The following PKNOX2 variants were observed in gnomAD, a reference collection of about 807,000 sequenced individuals.
PKNOX2 encodes homeobox protein PKNOX2.
Under a neutral mutation model 53.1 loss-of-function variants are expected in PKNOX2, and 14 were observed. That is an observed-to-expected ratio of 0.26 (90% CI 0.17 to 0.41). The LOEUF is 0.41. PKNOX2 is among the 10% of genes least tolerant of loss of function. The pLI, the probability that PKNOX2 is intolerant of heterozygous loss-of-function variation, is 1.00. For synonymous variants in PKNOX2, 257 were observed against 242.8 expected, an observed-to-expected ratio of 1.06 and a Z score of -0.54; for missense variants, 496 against 602.8, an observed-to-expected ratio of 0.82 and a Z score of 1.85.
chr11:125,225,682 C>T (rs937629212), intron 1 of PKNOX2, among the ~76,000 whole-genome samples: 2 of 152,166 alleles, frequency 1.3e-5, no homozygotes, highest in Admixed American at 1.3e-4. Context: ...GGGGCTGGCT[C>T]TCTGGTGCCA....
At chr11:125,411,171 G>T in intron 9 of PKNOX2, 1 of 340,424 alleles carries the variant, frequency 2.9e-6, no homozygotes, top group Non-Finnish European at 5.5e-6. Flanking sequence ...CACAAAGGAA[G>T]AGTAGAAAGA....
chr11:125,203,594 A>T (rs1158585893), intron 1 of PKNOX2, among the ~76,000 whole-genome samples: 4 of 152,174 alleles, frequency 2.6e-5, no homozygotes, highest in Non-Finnish European at 2.9e-5. Context: ...CTTGGAGGAC[A>T]TTCTTCCCCT....
At chr11:125,221,466 T>G (rs976328486) in intron 1 of PKNOX2, among the ~76,000 whole-genome samples, 5 of 152,226 alleles carry the variant, frequency 3.3e-5, no homozygotes, top group African/African-American at 1.2e-4. Context: ...CAGGCCCGTC[T>G]GCAGAGTTGG....
intron 2 of PKNOX2, among the ~76,000 whole-genome samples, chr11:125,243,993 A>C (rs1943370514): frequency 6.6e-6 from 1 of 152,044 alleles, no homozygotes; most frequent in Non-Finnish European, 1.5e-5. Flanking sequence ...GGCTTCACTC[A>C]TTGCTGGAGC....
At chr11:125,417,499 G>A (rs11220058) in intron 10 of PKNOX2, among the ~76,000 whole-genome samples, 75,856 of 151,680 alleles carry the variant, frequency 0.5, 19,918 homozygotes, top group African/African-American at 0.64. Context: ...AATACAATTC[G>A]CCTCATTTTA....
intron 2 of PKNOX2, among the ~76,000 whole-genome samples, chr11:125,321,792 T>C (rs977086440): frequency 1.3e-5 from 2 of 152,232 alleles, no homozygotes; most frequent in South Asian, 2.1e-4. Context: ...CTGGGTAATG[T>C]AGAAAACACT....
chr11:125,373,416 C>G (rs551842796), intron 5 of PKNOX2, among the ~76,000 whole-genome samples: 4 of 152,336 alleles, frequency 2.6e-5, no homozygotes, highest in African/African-American at 9.6e-5. Context: ...CTAGCTCCAT[C>G]ACTGGACACT....
intron 2 of PKNOX2, among the ~76,000 whole-genome samples, chr11:125,329,057 A>G (rs1031827045): frequency 2.6e-5 from 4 of 152,260 alleles, no homozygotes; most frequent in South Asian, 2.1e-4. Flanking sequence ...AAGAATAGTC[A>G]TTATGTGTTT....
At chr11:125,272,924 C>G (rs974227583) in intron 2 of PKNOX2, among the ~76,000 whole-genome samples, 1 of 152,208 alleles carries the variant, frequency 6.6e-6, no homozygotes, top group African/African-American at 2.4e-5. Context: ...CGGGTCTGGC[C>G]GAAGCGCAGG....
At chr11:125,291,280 G>A (rs1947287804) in intron 2 of PKNOX2, among the ~76,000 whole-genome samples, 1 of 152,178 alleles carries the variant, frequency 6.6e-6, no homozygotes, top group South Asian at 2.1e-4. Flanking sequence ...CCCAGCAGCT[G>A]GTTGAGTACC....
At chr11:125,191,751 G>A (rs73617513) in intron 1 of PKNOX2, among the ~76,000 whole-genome samples, 3,549 of 152,280 alleles carry the variant, frequency 0.023, 151 homozygotes, top group African/African-American at 0.081. Context: ...GAGGTGGCCG[G>A]GACGTACTTG....
At chr11:125,287,140 A>G (rs1946958998) in intron 2 of PKNOX2, among the ~76,000 whole-genome samples, 1 of 152,080 alleles carries the variant, frequency 6.6e-6, no homozygotes. Flanking sequence ...ATATTTTATT[A>G]TCCCCATTTT....
At chr11:125,167,641 C>T (rs1954994854) in intron 1 of PKNOX2, among the ~76,000 whole-genome samples, 1 of 152,242 alleles carries the variant, frequency 6.6e-6, no homozygotes, top group Non-Finnish European at 1.5e-5. Context: ...GAAGTATACC[C>T]AACTTGAGAC....
At chr11:125,351,992 C>A (rs775132776) in intron 4 of PKNOX2, among the ~76,000 whole-genome samples, 43 of 152,114 alleles carry the variant, frequency 2.8e-4, no homozygotes, top group Non-Finnish European at 5.9e-4. Context: ...CAGCCGCCCC[C>A]CAAGATCTTC....
chr11:125,396,205 C>T (rs753073780), intron 6 of PKNOX2, among the ~76,000 whole-genome samples: 3 of 152,254 alleles, frequency 2.0e-5, no homozygotes, highest in Non-Finnish European at 2.9e-5. Context: ...CCTCCTGCCT[C>T]GATGTCCCAA....
intron 2 of PKNOX2, among the ~76,000 whole-genome samples, chr11:125,315,303 G>GAAAAC (rs1949088613): frequency 1.3e-5 from 1 of 79,456 alleles, no homozygotes; most frequent in African/African-American, 3.9e-5. Context: ...TGTGAAGCAG[G>GAAAAC]AAAAAAAAAA....
chr11:125,297,411 T>C (rs1295516385), intron 2 of PKNOX2, among the ~76,000 whole-genome samples: 1 of 152,180 alleles, frequency 6.6e-6, no homozygotes, highest in African/African-American at 2.4e-5. Context: ...AGTCTAGTGG[T>C]GGCAACAGCA....
At chr11:125,221,118 G>A (rs1941103470) in intron 1 of PKNOX2, among the ~76,000 whole-genome samples, 1 of 152,120 alleles carries the variant, frequency 6.6e-6, no homozygotes, top group African/African-American at 2.4e-5. Flanking sequence ...TCGCGCCACT[G>A]CACTCCAGCC....
intron 2 of PKNOX2, among the ~76,000 whole-genome samples, chr11:125,246,303 A>G (rs1943558284): frequency 6.6e-6 from 1 of 152,240 alleles, no homozygotes; most frequent in African/African-American, 2.4e-5. Flanking sequence ...AGAGACAGCA[A>G]GAGGGACTGG....
Sources: allele counts gnomAD v4.1 joint callset (sites outside exome capture counted in the v4.1 genomes callset), GRCh38; gene constraint gnomAD v4.1.1; transcripts MANE v1.5; gene names NCBI Gene and HGNC (gene_info 2026-07-23, HGNC 2026-07-21).